IL5RA: variants seen among roughly 807,000 people sequenced by gnomAD.
IL5RA encodes interleukin 5 receptor subunit alpha.
Under a neutral mutation model 50.0 loss-of-function variants are expected in IL5RA, and 49 were observed. The ratio of observed to expected loss-of-function variants is 0.98; its 90% CI spans 0.78 to 1.24. The LOEUF is 1.24. IL5RA is among the 50% of genes most tolerant of loss of function. The pLI is 0.00. For synonymous variants in IL5RA, 202 were observed against 174.0 expected (o/e 1.16, Z -1.26); for missense variants, 600 against 500.4 (o/e 1.20, Z -1.90).
chr3:3,079,934 T>C (rs1702610223), intron 9 of IL5RA, among the ~76,000 whole-genome samples: 1 of 152,032 alleles, frequency 6.6e-6, no homozygotes, highest in Non-Finnish European at 1.5e-5. Context: ...CTAGGGAGGC[T>C]GAGGCAGGAG....
intron 7 of IL5RA, among the ~76,000 whole-genome samples, chr3:3,097,364 G>A (rs1431623354): frequency 6.6e-6 from 1 of 152,094 alleles, no homozygotes; most frequent in East Asian, 1.9e-4. Flanking sequence ...GCTAAGAGAG[G>A]CTATTCTATA....
rs140577665 is a variant in IL5RA, at chr3:3,092,581, G to A, written c.856-219C>T. Among the ~76,000 whole-genome samples, 9 of 152,254 alleles carry A rather than the reference G, an allele frequency of 5.9e-5. No homozygotes were observed. The highest frequency in any genetic ancestry group is 7.3e-5 in the Non-Finnish European group (5 of 68,032). On this transcript the variant is annotated intron_variant, in intron 8 of 11. Transcript: ENST00000446632. This position sits in a 1 kb window ranked among gnomAD's most constrained non-coding sequence, Gnocchi z 4.2. ...ACGCTATCTTGTAACCAAAATATAC[G>A]AAATGATCAACGGTCAAGATCCAGG...
intron 1 of IL5RA, among the ~76,000 whole-genome samples, chr3:3,109,601 G>A (rs375982166): frequency 8.5e-5 from 13 of 152,202 alleles, no homozygotes; most frequent in African/African-American, 2.4e-4. Flanking sequence ...ACCTTGCCAC[G>A]GATTTGCACA....
chr3:3,073,035 C>T (rs907209593), intron 11 of IL5RA, among the ~76,000 whole-genome samples: 4 of 152,188 alleles, frequency 2.6e-5, no homozygotes, highest in Non-Finnish European at 5.9e-5. Context: ...TCCCAAAGAA[C>T]TCAGTGAACA....
intron 7 of IL5RA, among the ~76,000 whole-genome samples, chr3:3,095,653 A>AGTT (rs1703327192): frequency 6.6e-6 from 1 of 152,034 alleles, no homozygotes; most frequent in African/African-American, 2.4e-5. Flanking sequence ...AGAAGAAGAG[A>AGTT]CCCTTTCTGG....
intron 9 of IL5RA, among the ~76,000 whole-genome samples, chr3:3,085,729 C>T (rs1702830748): frequency 6.6e-6 from 1 of 152,102 alleles, no homozygotes; most frequent in African/African-American, 2.4e-5. Flanking sequence ...GCCCATATTG[C>T]CATAGGCCAC....
At chr3:3,095,656 C>G (rs938569361) in intron 7 of IL5RA, among the ~76,000 whole-genome samples, 39 of 152,104 alleles carry the variant, frequency 2.6e-4, no homozygotes, top group African/African-American at 8.9e-4. Context: ...AGAAGAGACC[C>G]TTTCTGGAAA....
chr3:3,072,469 A>G (rs1030901245), intron 11 of IL5RA, among the ~76,000 whole-genome samples: 3 of 152,234 alleles, frequency 2.0e-5, no homozygotes, highest in Admixed American at 6.5e-5. Context: ...TTTAATTAAC[A>G]ACAAATCACA....
At position 3,073,020 on chromosome 3, in the gene IL5RA, C is replaced by G. The variant is rs948813282; in HGVS notation, c.1176+1762G>C. On this transcript the variant is annotated intron_variant, in intron 11 of 11. Coordinates refer to ENST00000446632, the MANE Select transcript of IL5RA (RefSeq NM_175726.4). ...CCAAAGCTCCACCCTGGGGCCCACT[C>G]TTCTTCCCAAAGAACTCAGTGAACA... is the stretch of plus-strand genomic sequence containing the variant. Among the ~76,000 whole-genome samples, 4 of 152,306 alleles carry G rather than the reference C, an allele frequency of 2.6e-5. No homozygotes were observed. The South Asian group carries it at 6.2e-4, about 24-fold the overall frequency.
chr3:3,077,764 TC>T lies in IL5RA; in HGVS notation c.995-1138del, dbSNP rs529819427. ...GTCTGGGGGACAGAATGAGACTCTG[TC>T]CCCCACCAGCCCCCCTGCAAAAAAA... On this transcript the variant is annotated intron_variant, in intron 9 of 11. Coordinates refer to ENST00000446632, the MANE Select transcript of IL5RA (RefSeq NM_175726.4). 2.5e-3 allele frequency among the ~76,000 whole-genome samples: 386 copies of T among 151,808 alleles called. 2 individuals are homozygous for T. The highest frequency in any genetic ancestry group is 6.6e-3 in the Admixed American group (100 of 15,224).
In IL5RA at chr3:3,087,654, C is replaced by CTATGAAAGGGTTGA. The variant is rs573950797; in HGVS notation, c.994+4556_994+4569dup. ...AAAATAATGGGGGGGAAATTAATAA[C>CTATGAAAGGGTTGA]TATGAAAGGGTTGATATTTGAGTTG... is the stretch of plus-strand genomic sequence containing the variant. On this transcript the variant is annotated intron_variant, in intron 9 of 11. Transcript: ENST00000446632. Among the ~76,000 whole-genome samples the CTATGAAAGGGTTGA allele has an allele frequency of 1.1e-4, 16 of 150,526 alleles. No homozygotes were observed. In the South Asian group the frequency reaches 3.4e-3, roughly 32 times the overall value.
In IL5RA at chr3:3,074,816, T is replaced by C. The variant is rs752119611; in HGVS notation, c.1142A>G (p.Asn381Ser). 2 of 1,610,264 alleles carry C rather than the reference T, an allele frequency of 1.2e-6. No individual in the cohort carries two copies. Among genetic ancestry groups the C allele is most frequent in the South Asian group, 1.1e-5 (1 of 91,006 alleles). ...LFPPIPAPKS[N>S]IKDLFVTTNY... ...AGTGGTTACAAAGAGATCTTTGATA[T>C]TACTTTTTGGTGCTGGAATTGGTGG... The change falls in exon 11 of 12, where the codon AAT (asparagine) becomes AGT (serine). Residue 381 changes from asparagine to serine, a missense_variant. By Grantham distance (46) the Asn-to-Ser change is conservative. Coordinates refer to ENST00000446632, the MANE Select transcript of IL5RA (RefSeq NM_175726.4).
chr3:3,089,983 C>T, intron 9 of IL5RA: 1 of 481,152 alleles, frequency 2.1e-6, no homozygotes, highest in East Asian at 4.1e-5. Flanking sequence ...CCCACCATGC[C>T]AGAGTGTCCA....
In IL5RA at chr3:3,092,411, G is replaced by C. The variant is rs200032174; in HGVS notation, c.856-49C>G. The C allele has an allele frequency of 6.4e-7, 1 of 1,571,660 alleles. No individual in the cohort carries two copies. The highest frequency in any genetic ancestry group is 8.7e-7 in the Non-Finnish European group (1 of 1,151,104). ...GAAGAATCTCTAGACACCTAATTTA[G>C]TTCTGCCGATTATCAGAATGGGAGG... On this transcript the variant is annotated intron_variant, in intron 8 of 11. Coordinates refer to ENST00000446632, the MANE Select transcript of IL5RA (RefSeq NM_175726.4). This position sits in a 1 kb window ranked among gnomAD's most constrained non-coding sequence, Gnocchi z 4.2.
chr3:3,102,575 T>C (rs1703706315), intron 4 of IL5RA, 100 bp downstream of exon 4: 4 of 793,340 alleles, frequency 5.0e-6, no homozygotes, highest in Non-Finnish European at 5.9e-6. Flanking sequence ...AGCCTGTCAG[T>C]AATTTTATTT....
chr3:3,106,035 A>T (rs1291305413), intron 2 of IL5RA, among the ~76,000 whole-genome samples: 1 of 152,158 alleles, frequency 6.6e-6, no homozygotes, highest in Non-Finnish European at 1.5e-5. Context: ...TGTGGCTGTT[A>T]TACATGATGG....
chr3:3,091,852 A>G (rs1280293673), intron 9 of IL5RA: 1 of 336,534 alleles, frequency 3.0e-6, no homozygotes, highest in East Asian at 1.2e-4. Context: ...GTAAGATGTT[A>G]CCCTTGAGGA....
chr3:3,094,996 G>A (rs549200290), intron 8 of IL5RA, among the ~76,000 whole-genome samples: 96 of 152,278 alleles, frequency 6.3e-4, no homozygotes, highest in Non-Finnish European at 1.1e-3. Flanking sequence ...CAAAGTGCTA[G>A]GATTACAGGC....
chr3:3,088,679 A>T (rs906095168), intron 9 of IL5RA, among the ~76,000 whole-genome samples: 27 of 152,206 alleles, frequency 1.8e-4, no homozygotes, highest in African/African-American at 6.5e-4. Context: ...CAGAAAGCAT[A>T]ACTAACTTCT....
Sources: gnomAD v4.1 joint callset for allele counts (sites outside exome capture counted in the v4.1 genomes callset) on GRCh38, gnomAD v4.1.1 for gene constraint, Gnocchi (gnomAD v3.1) non-coding constraint, MANE v1.5 for transcripts, NCBI Gene and HGNC (gene_info 2026-07-23, HGNC 2026-07-21) for gene names.